Variants in DOCK3 observed in about 807,000 individuals in gnomAD.
DOCK3 encodes dedicator of cytokinesis 3, also known as dedicator of cytokinesis protein 3.
In DOCK3, 60 loss-of-function variants were observed where a neutral mutation model predicts 265.6. The ratio of observed to expected loss-of-function variants is 0.23; its 90% CI spans 0.18 to 0.28. The LOEUF is 0.28. DOCK3 is among the 10% of genes least tolerant of loss of function. The probability of loss-of-function intolerance (pLI) is 1.00; values close to 1 mark genes in which losing one functional copy is unlikely to be tolerated. For missense variants in DOCK3, 1,981 were observed against 2,594.3 expected, an observed-to-expected ratio of 0.76 and a Z score of 5.14; for synonymous variants, 881 against 938.0, an observed-to-expected ratio of 0.94 and a Z score of 1.11.
chr3:50,761,498 C>T (rs1387399080), intron 1 of DOCK3, among the ~76,000 whole-genome samples: 6 of 152,148 alleles, frequency 3.9e-5, no homozygotes, highest in African/African-American at 1.4e-4. Flanking sequence ...AGAATGTAGT[C>T]TTTAGGGCCC....
intron 6 of DOCK3, among the ~76,000 whole-genome samples, chr3:51,072,777 T>A (rs2081925207): frequency 1.3e-5 from 2 of 151,970 alleles, no homozygotes; most frequent in South Asian, 4.2e-4. Context: ...ACAATAATAA[T>A]GCACTACAGC....
At chr3:50,899,479 T>A (rs1312075805) in intron 4 of DOCK3, among the ~76,000 whole-genome samples, 1 of 152,212 alleles carries the variant, frequency 6.6e-6, no homozygotes. Context: ...CATTGACATT[T>A]AAAGTGAATA....
chr3:50,708,911 G>T (rs1254228733), intron 1 of DOCK3, among the ~76,000 whole-genome samples: 3 of 152,132 alleles, frequency 2.0e-5, no homozygotes, highest in Non-Finnish European at 4.4e-5. Flanking sequence ...TAGTGTTTTG[G>T]TCCTTCTTTG....
intron 2 of DOCK3, among the ~76,000 whole-genome samples, chr3:50,815,856 A>G (rs1053121557): frequency 1.3e-5 from 2 of 152,206 alleles, no homozygotes; most frequent in Non-Finnish European, 2.9e-5. Flanking sequence ...TGAGAGCTCC[A>G]ACTAGGCAGT....
At chr3:51,169,724 C>A (rs544633554) in intron 12 of DOCK3, among the ~76,000 whole-genome samples, 1 of 151,752 alleles carries the variant, frequency 6.6e-6, no homozygotes, top group East Asian at 1.9e-4. Context: ...GCACATTTAC[C>A]CCTGAACCTA....
intron 25 of DOCK3, 132 bp from the exon 26 acceptor site, chr3:51,277,476 G>A (rs2080878163): frequency 8.2e-7 from 1 of 1,225,666 alleles, no homozygotes; most frequent in Non-Finnish European, 1.1e-6. Flanking sequence ...GACACTGCAT[G>A]TTGGTGAGAC....
chr3:51,014,758 A>G (rs2079086635), intron 5 of DOCK3, among the ~76,000 whole-genome samples: 1 of 152,098 alleles, frequency 6.6e-6, no homozygotes, highest in Non-Finnish European at 1.5e-5. Context: ...GGACGTTTTA[A>G]CAATATCAAT....
chr3:50,814,432 A>G (rs62258669), intron 2 of DOCK3, among the ~76,000 whole-genome samples: 2 of 9,174 alleles, frequency 2.2e-4, no homozygotes, highest in African/African-American at 2.5e-4. Flanking sequence ...ATGCCAGACT[A>G]ATTTTTTTTT....
chr3:51,329,230 A>G (rs1174959654), intron 32 of DOCK3, among the ~76,000 whole-genome samples: 1 of 152,212 alleles, frequency 6.6e-6, no homozygotes, highest in Non-Finnish European at 1.5e-5. Context: ...CCTCAAAGTG[A>G]ATCCAGTGAG....
intron 7 of DOCK3, among the ~76,000 whole-genome samples, chr3:51,083,174 T>A (rs2082302083): frequency 6.6e-6 from 1 of 152,162 alleles, no homozygotes; most frequent in Non-Finnish European, 1.5e-5. Flanking sequence ...ACTGCAGAAC[T>A]CACAGACACC....
intron 22 of DOCK3, among the ~76,000 whole-genome samples, chr3:51,254,906 C>T (rs913619534): frequency 5.3e-5 from 8 of 152,170 alleles, no homozygotes; most frequent in Non-Finnish European, 1.5e-5. Context: ...TTGATCCTGT[C>T]ATTATGATGT....
rs2086011168 is a variant in DOCK3 at position 51,159,230 on chromosome 3, A to T, written c.829-14A>T. 1 of 1,612,294 alleles carries T rather than the reference A, an allele frequency of 6.2e-7. No homozygotes were observed. Among genetic ancestry groups the T allele is most frequent in the African/African-American group, 1.3e-5 (1 of 74,864 alleles). On this transcript the variant is annotated splice_polypyrimidine_tract_variant and intron_variant, in intron 10 of 52. Transcript: ENST00000266037. The stretch of plus-strand genomic sequence containing the variant: ...GTGTATTCCTTGCCTGAATTTACTT[A>T]TTTTTTCTCTTAGGATCTGAGCAGC...
chr3:51,370,922 G>A (rs539008201), intron 49 of DOCK3, among the ~76,000 whole-genome samples: 7 of 152,310 alleles, frequency 4.6e-5, no homozygotes, highest in African/African-American at 7.2e-5. Flanking sequence ...CTTGGGGTGC[G>A]ACTGGGGCTG....
chr3:51,214,902 A>G (rs1171466427), intron 14 of DOCK3, among the ~76,000 whole-genome samples: 1 of 152,152 alleles, frequency 6.6e-6, no homozygotes, highest in Non-Finnish European at 1.5e-5. Context: ...AATTAGGCAG[A>G]CATGGGTAGG....
At chr3:51,202,382 A>G (rs1295705207) in intron 12 of DOCK3, among the ~76,000 whole-genome samples, 2 of 150,828 alleles carry the variant, frequency 1.3e-5, no homozygotes, top group Admixed American at 6.6e-5. Context: ...AGAGAATACT[A>G]CAAACACCTC....
intron 5 of DOCK3, among the ~76,000 whole-genome samples, chr3:50,948,566 C>T (rs1020656299): frequency 6.6e-6 from 1 of 151,544 alleles, no homozygotes; most frequent in African/African-American, 2.4e-5. Flanking sequence ...CTTTTCTTTT[C>T]TTTTCTCTTC....
chr3:51,274,957 A>C, intron 24 of DOCK3, 122 bp from the exon 25 acceptor site: 1 of 1,169,822 alleles, frequency 8.5e-7, no homozygotes. Flanking sequence ...GATTACCTTC[A>C]CTTTTGCTCT....
At chr3:51,154,456 G>T (rs1296142859) in intron 10 of DOCK3, among the ~76,000 whole-genome samples, 1 of 152,174 alleles carries the variant, frequency 6.6e-6, no homozygotes, top group Non-Finnish European at 1.5e-5. Context: ...TGTAGTAAAT[G>T]GGATTTAGGT....
chr3:51,354,811 A>C (rs991124219), intron 40 of DOCK3, 71 bp from the exon 41 acceptor site: 3 of 1,565,588 alleles, frequency 1.9e-6, no homozygotes, highest in Admixed American at 3.5e-5. Flanking sequence ...ATATGTAGCT[A>C]CTGACTCCAG....
Sources: gnomAD v4.1 joint callset for allele counts (sites outside exome capture counted in the v4.1 genomes callset) on GRCh38, gnomAD v4.1.1 for gene constraint, MANE v1.5 for transcripts, NCBI Gene and HGNC (gene_info 2026-07-23, HGNC 2026-07-21) for gene names.